SEMA3D: variants seen among roughly 807,000 people sequenced by gnomAD.
The protein encoded by SEMA3D is semaphorin 3D.
In SEMA3D, 84 loss-of-function variants were observed where a neutral mutation model predicts 100.1. That is an observed-to-expected ratio of 0.84 (90% confidence interval 0.70 to 1.01). SEMA3D has a LOEUF of 1.01. Among genes scored for constraint, SEMA3D ranks in the 50% least tolerant of loss-of-function variants. The pLI, the probability that SEMA3D is intolerant of heterozygous loss-of-function variation, is 0.00. For missense variants in SEMA3D, 875 were observed against 934.1 expected, an observed-to-expected ratio of 0.94 and a Z score of 0.82; for synonymous variants, 312 against 320.7, an observed-to-expected ratio of 0.97 and a Z score of 0.29.
At chr7:85,196,266 TC>T in the SEMA3D span, among the ~76,000 whole-genome samples, 1 of 152,016 alleles carries the variant, frequency 6.6e-6, no homozygotes, top group South Asian at 2.1e-4. Context: ...GAATCTAGAA[TC>T]CTACCTCACA....
the SEMA3D span, among the ~76,000 whole-genome samples, chr7:85,236,172 T>C: frequency 2.0e-5 from 3 of 152,078 alleles, no homozygotes; most frequent in Non-Finnish European, 4.4e-5. Flanking sequence ...TTTCAAGCTG[T>C]TTCCTAGTGA....
At chr7:85,096,267 G>T (rs1788549829) in intron 4 of SEMA3D, among the ~76,000 whole-genome samples, 1 of 151,608 alleles carries the variant, frequency 6.6e-6, no homozygotes, top group South Asian at 2.1e-4. Flanking sequence ...ATTTTTAAAA[G>T]AAATTCCTGA....
intron 8 of SEMA3D, 138 bp downstream of exon 8, chr7:85,065,286 G>A: frequency 1.3e-6 from 1 of 746,838 alleles, no homozygotes; most frequent in Non-Finnish European, 2.1e-6. Flanking sequence ...TTCTTAGTGG[G>A]GAATTATTTC....
At chr7:85,007,611 C>A (rs975496791) in intron 17 of SEMA3D, among the ~76,000 whole-genome samples, 1 of 151,684 alleles carries the variant, frequency 6.6e-6, no homozygotes. Context: ...TCTCAGACAC[C>A]TTATTCTCAT....
chr7:85,143,635 A>G (rs1790117546), intron 2 of SEMA3D, among the ~76,000 whole-genome samples: 1 of 152,156 alleles, frequency 6.6e-6, no homozygotes, highest in Non-Finnish European at 1.5e-5. Flanking sequence ...AAAAGTTGTT[A>G]TGCAGCACAT....
intron 5 of SEMA3D, among the ~76,000 whole-genome samples, chr7:85,073,377 A>G (rs1158256723): frequency 6.6e-6 from 1 of 152,134 alleles, no homozygotes; most frequent in East Asian, 1.9e-4. Context: ...TAGAGAACGG[A>G]TATAAACAGA....
At chr7:85,207,331 A>G in the SEMA3D span, among the ~76,000 whole-genome samples, 4 of 152,062 alleles carry the variant, frequency 2.6e-5, no homozygotes, top group Admixed American at 1.3e-4. Flanking sequence ...TAGAATACCA[A>G]TTTTCATACA....
intron 2 of SEMA3D, among the ~76,000 whole-genome samples, chr7:85,149,465 C>CA (rs145005445): frequency 6.6e-6 from 1 of 151,772 alleles, no homozygotes; most frequent in African/African-American, 2.4e-5. Context: ...AAATAAACAG[C>CA]AAAAAATGAA....
intron 12 of SEMA3D, among the ~76,000 whole-genome samples, chr7:85,023,536 AGTC>A (rs1384568926): frequency 6.6e-6 from 1 of 151,904 alleles, no homozygotes; most frequent in African/African-American, 2.4e-5. Context: ...CAATTGATGC[AGTC>A]ATAGAGAATA....
chr7:85,001,793 G>A (rs1351702432), intron 18 of SEMA3D, among the ~76,000 whole-genome samples: 2 of 152,100 alleles, frequency 1.3e-5, no homozygotes, highest in African/African-American at 4.8e-5. Context: ...CATGCTGCTT[G>A]AGAGGTAATA....
intron 3 of SEMA3D, among the ~76,000 whole-genome samples, chr7:85,109,528 C>A (rs1789028571): frequency 6.6e-6 from 1 of 151,868 alleles, no homozygotes; most frequent in African/African-American, 2.4e-5. Flanking sequence ...TGGCTTTAGT[C>A]AAATAAACCC....
chr7:85,027,710 A>G (rs1790430425), intron 12 of SEMA3D: 1 of 311,080 alleles, frequency 3.2e-6, no homozygotes, highest in Admixed American at 4.4e-5. Context: ...ATGCGGCTTA[A>G]TGTTTGTTTT....
At position 85,047,176 on chromosome 7, in the gene SEMA3D, G is replaced by GACAA. The variant is rs1171283579; in HGVS notation, c.862-4895_862-4892dup. 4.0e-5 allele frequency among the ~76,000 whole-genome samples: 6 copies of GACAA among 151,672 alleles called. No homozygotes were observed. The East Asian group carries it at 9.7e-4, about 25-fold the overall frequency. Reference sequence around the variant, plus strand: ...ATTAAAAAAAGAAAAAAAAATTAAAGACAAAACAAACCACAATTTGCAATC... The same window carrying GACAA: ...ATTAAAAAAAGAAAAAAAAATTAAAGACAAACAAAACAAACCACAATTTGCAATC... On this transcript the variant is annotated intron_variant, in intron 9 of 18. Transcript: ENST00000284136.
intron 3 of SEMA3D, among the ~76,000 whole-genome samples, chr7:85,112,157 A>T (rs1431579714): frequency 2.0e-5 from 3 of 152,156 alleles, no homozygotes; most frequent in African/African-American, 7.2e-5. Flanking sequence ...TACAAATCAA[A>T]CAAATCAAAC....
intron 9 of SEMA3D, among the ~76,000 whole-genome samples, chr7:85,044,217 A>T (rs887046775): frequency 1.3e-4 from 20 of 152,064 alleles, no homozygotes; most frequent in Non-Finnish European, 2.6e-4. Context: ...AAATGACTAC[A>T]ACAAACAAGA....
In SEMA3D at chr7:85,020,086, T is replaced by C. The variant is rs572093302; in HGVS notation, c.1503+147A>G. The C allele has an allele frequency of 1.2e-5, 7 of 592,494 alleles. No individual in the cohort carries two copies. The East Asian group carries it at 2.0e-4, about 17-fold the overall frequency. 36.7% of individuals were successfully genotyped at this position (592,494 alleles called of 1,614,324 possible). A position where few individuals can be genotyped will look rare whatever the true frequency, so the allele number is the denominator to read the frequency against. On this transcript the variant is annotated intron_variant, in intron 14 of 18. Transcript: ENST00000284136. ...ATTCCTAGTCGCTTATAAAACTTTT[T>C]CCACTGCTTTGGGAAAAGAAAACTA...
At chr7:85,181,347 C>CACACACACAA (rs1554352321) in intron 1 of SEMA3D, among the ~76,000 whole-genome samples, 6,303 of 146,206 alleles carry the variant, frequency 0.043, 176 homozygotes, top group Middle Eastern at 0.076. Flanking sequence ...CACACACACA[C>CACACACACAA]ACACACACAC....
At chr7:85,003,300 C>G (rs1789704039) in intron 18 of SEMA3D, among the ~76,000 whole-genome samples, 1 of 151,840 alleles carries the variant, frequency 6.6e-6, no homozygotes, top group Non-Finnish European at 1.5e-5. Context: ...AAAGGGAAAA[C>G]TTACTAAAGG....
At chr7:85,073,191 A>C in intron 5 of SEMA3D, 110 bp from the exon 6 acceptor site, 1 of 977,992 alleles carries the variant, frequency 1.0e-6, no homozygotes, top group South Asian at 1.4e-5. Flanking sequence ...TAAGAGCACA[A>C]ATGAAAAAAG....
Sources: gnomAD v4.1 joint callset for allele counts (sites outside exome capture counted in the v4.1 genomes callset) on GRCh38, gnomAD v4.1.1 for gene constraint, MANE v1.5 for transcripts, NCBI Gene and HGNC (gene_info 2026-07-23, HGNC 2026-07-21) for gene names.